Variants in PLXDC2 observed in about 807,000 individuals in gnomAD.
PLXDC2 encodes the protein plexin domain-containing protein 2.
Under a neutral mutation model 68.9 loss-of-function variants are expected in PLXDC2, and 40 were observed. That is an observed-to-expected ratio of 0.58 (90% CI 0.45 to 0.76). PLXDC2 has a LOEUF of 0.76. PLXDC2 is among the 30% of genes least tolerant of loss of function. The pLI, the probability that PLXDC2 is intolerant of heterozygous loss-of-function variation, is 0.00. For missense variants in PLXDC2, 644 were observed against 661.9 expected (o/e 0.97, Z 0.30); for synonymous variants, 243 against 234.2 (o/e 1.04, Z -0.34).
Position 20,062,163 on chromosome 10 carries a change from C to T in PLXDC2, c.472-6007C>T, listed in dbSNP as rs184572465. Among the ~76,000 whole-genome samples, 83 of 152,268 alleles carry T rather than the reference C, an allele frequency of 5.5e-4. 1 individual carries two copies. In the East Asian group the frequency reaches 9.9e-3, roughly 18 times the overall value. ...TAAATAGGCTGGGCACGGTGGCTCA[C>T]GCCTGTAATCCCAGCACTTTGGGAG... On this transcript the variant is annotated intron_variant, in intron 3 of 13. Coordinates refer to ENST00000377252, the MANE Select transcript of PLXDC2 (RefSeq NM_032812.9).
intron 1 of PLXDC2, among the ~76,000 whole-genome samples, chr10:19,905,648 A>C (rs142987978): frequency 3.8e-4 from 58 of 152,312 alleles, no homozygotes; most frequent in African/African-American, 1.4e-3. Flanking sequence ...CAGCCATAGA[A>C]AATTCTCAAT....
chr10:19,870,614 T>TG, intron 1 of PLXDC2, among the ~76,000 whole-genome samples: 1 of 152,010 alleles, frequency 6.6e-6, no homozygotes, highest in Admixed American at 6.6e-5. Context: ...TTAGTAGAGA[T>TG]GGGGTTTCAC....
chr10:20,228,347 G>C (rs1197876718), intron 12 of PLXDC2, among the ~76,000 whole-genome samples: 7 of 152,014 alleles, frequency 4.6e-5, no homozygotes, highest in African/African-American at 1.4e-4. Flanking sequence ...GATCACCTGA[G>C]CCCAGGAGCT....
rs1056396986 is a variant in PLXDC2 at position 20,283,815 on chromosome 10, G to A, written c.*3996G>A. The A allele has an allele frequency of 6.6e-6, 1 of 152,094 alleles. No homozygotes were observed. Among genetic ancestry groups the A allele is most frequent in the Non-Finnish European group, 1.5e-5 (1 of 68,030 alleles). 9.4% of individuals were successfully genotyped at this position (152,094 alleles called of 1,614,324 possible). Reference sequence around the variant, plus strand: ...TTTATTTTATCACTGTAACACTAAGGAGCTATGGCATTAAAATATAAAACT... The same window carrying A: ...TTTATTTTATCACTGTAACACTAAGAAGCTATGGCATTAAAATATAAAACT... On this transcript the variant is annotated 3_prime_UTR_variant, in exon 14 of 14. Transcript: ENST00000377252.
At chr10:19,886,916 C>G (rs1431787858) in intron 1 of PLXDC2, among the ~76,000 whole-genome samples, 1 of 152,160 alleles carries the variant, frequency 6.6e-6, no homozygotes, top group African/African-American at 2.4e-5. Flanking sequence ...TATTCAGTCT[C>G]TTATGCTATC....
intron 4 of PLXDC2, among the ~76,000 whole-genome samples, chr10:20,129,056 C>G (rs1833829964): frequency 6.6e-6 from 1 of 152,108 alleles, no homozygotes; most frequent in South Asian, 2.1e-4. Flanking sequence ...TGGAAATCCT[C>G]TGCGTTATTT....
intron 1 of PLXDC2, among the ~76,000 whole-genome samples, chr10:19,921,201 A>G (rs1210343555): frequency 1.3e-5 from 2 of 151,422 alleles, no homozygotes; most frequent in Non-Finnish European, 2.9e-5. Flanking sequence ...CACTGGGCAT[A>G]TGAATTTTAA....
intron 1 of PLXDC2, among the ~76,000 whole-genome samples, chr10:19,934,065 A>G (rs1433584126): frequency 6.6e-6 from 1 of 152,206 alleles, no homozygotes; most frequent in Non-Finnish European, 1.5e-5. Flanking sequence ...TTTTTCTTCC[A>G]ATTTTAAGTC....
intron 9 of PLXDC2, among the ~76,000 whole-genome samples, chr10:20,206,147 AATT>A (rs1834988201): frequency 6.6e-6 from 1 of 152,108 alleles, no homozygotes; most frequent in African/African-American, 2.4e-5. Context: ...AAATGTATAC[AATT>A]ATAATATGTC....
At chr10:20,184,085 A>G (rs1834646188) in intron 9 of PLXDC2, among the ~76,000 whole-genome samples, 1 of 151,932 alleles carries the variant, frequency 6.6e-6, no homozygotes, top group African/African-American at 2.4e-5. Context: ...ACAGAATAGT[A>G]GTATCACATA....
chr10:20,264,469 A>T (rs1445007841), intron 13 of PLXDC2, among the ~76,000 whole-genome samples: 5 of 152,322 alleles, frequency 3.3e-5, no homozygotes, highest in South Asian at 2.1e-4. Context: ...TCAAATAAAA[A>T]TTTTTTAAAA....
intron 1 of PLXDC2, among the ~76,000 whole-genome samples, chr10:19,883,718 G>A (rs755102715): frequency 2.6e-5 from 4 of 151,666 alleles, no homozygotes; most frequent in Admixed American, 2.6e-4. Context: ...TCAGAGAGAA[G>A]AATGGGTAAT....
intron 12 of PLXDC2, among the ~76,000 whole-genome samples, chr10:20,234,120 C>A (rs557673629): frequency 2.0e-3 from 299 of 152,220 alleles, no homozygotes; most frequent in Middle Eastern, 3.4e-3. Context: ...AGCCACCGTG[C>A]CCGGCCAGCA....
intron 7 of PLXDC2, among the ~76,000 whole-genome samples, chr10:20,167,495 T>C (rs1325542271): frequency 1.3e-5 from 2 of 152,158 alleles, no homozygotes; most frequent in Non-Finnish European, 2.9e-5. Context: ...AGTTCCCTTA[T>C]TTAGCAACAC....
Position 19,832,654 on chromosome 10 carries a change from G to A in PLXDC2, c.112+15463G>A, listed in dbSNP as rs1253471433. On this transcript the variant is annotated intron_variant, in intron 1 of 13. Transcript: ENST00000377252. The stretch of plus-strand genomic sequence containing the variant: ...TCAATCGAATTTTTTAATTCACTGT[G>A]TGAGATAGAAAAAGACATGGTTTCT... 5.3e-5 allele frequency among the ~76,000 whole-genome samples: 8 copies of A among 152,220 alleles called. No individual in the cohort carries two copies. In the South Asian group the frequency reaches 6.2e-4, roughly 12 times the overall value.
intron 1 of PLXDC2, among the ~76,000 whole-genome samples, chr10:19,984,359 C>T (rs769954189): frequency 2.0e-5 from 3 of 152,176 alleles, no homozygotes; most frequent in African/African-American, 7.2e-5. Flanking sequence ...GACCCAGGCT[C>T]AGGTGTCAGC....
intron 1 of PLXDC2, among the ~76,000 whole-genome samples, chr10:19,874,155 A>G (rs1450636418): frequency 6.6e-6 from 1 of 152,242 alleles, no homozygotes; most frequent in Non-Finnish European, 1.5e-5. Context: ...TACTCCTGCC[A>G]ATGAAATCAG....
intron 1 of PLXDC2, among the ~76,000 whole-genome samples, chr10:19,922,059 T>C (rs1056329839): frequency 6.6e-6 from 1 of 152,008 alleles, no homozygotes; most frequent in African/African-American, 2.4e-5. Context: ...AGGTTTCACC[T>C]TGTTGGCAAG....
intron 9 of PLXDC2, among the ~76,000 whole-genome samples, chr10:20,205,051 A>T (rs1834972519): frequency 6.6e-6 from 1 of 152,180 alleles, no homozygotes; most frequent in Admixed American, 6.6e-5. Flanking sequence ...CTACATAGGA[A>T]TATATTACCC....
Sources: allele counts gnomAD v4.1 joint callset (sites outside exome capture counted in the v4.1 genomes callset), GRCh38; gene constraint gnomAD v4.1.1; transcripts MANE v1.5; gene names NCBI Gene and HGNC (gene_info 2026-07-23, HGNC 2026-07-21).